Variants in OLFML2B observed in about 807,000 individuals in gnomAD.
OLFML2B encodes olfactomedin-like protein 2B.
Under a neutral mutation model 74.9 loss-of-function variants are expected in OLFML2B, and 57 were observed. The ratio of observed to expected loss-of-function variants is 0.76; its 90% CI spans 0.61 to 0.95. The LOEUF (loss-of-function observed/expected upper bound fraction) is 0.95. Ranked by LOEUF, OLFML2B falls within the 40% of genes least tolerant of loss-of-function variation. OLFML2B has a pLI of 0.00. For synonymous variants in OLFML2B, 388 were observed against 405.8 expected, an observed-to-expected ratio of 0.96 and a Z score of 0.53; for missense variants, 986 against 970.6, an observed-to-expected ratio of 1.02 and a Z score of -0.21.
At chr1:162,019,104 G>T (rs887609116) in intron 2 of OLFML2B, among the ~76,000 whole-genome samples, 3 of 152,166 alleles carry the variant, frequency 2.0e-5, no homozygotes, top group African/African-American at 7.2e-5. Flanking sequence ...ATGATTACTA[G>T]TCACTGAGTG....
In OLFML2B at chr1:161,996,221, T is replaced by C. The variant is rs147088881; in HGVS notation, c.1474+1604A>G. On this transcript the variant is annotated intron_variant, in intron 6 of 7. Transcript: ENST00000294794. Reference sequence around the variant, plus strand: ...ACAAGAATCTTTATTTACAATAGCATGGAACAGCAAATAAAAAACACCATA... The same window carrying C: ...ACAAGAATCTTTATTTACAATAGCACGGAACAGCAAATAAAAAACACCATA... Among the ~76,000 whole-genome samples the C allele has an allele frequency of 1.3e-3, 199 of 152,218 alleles. 4 individuals are homozygous for C. The East Asian group carries it at 0.03, about 23-fold the overall frequency.
chr1:161,985,941 T>G (rs1442477179), intron 6 of OLFML2B, among the ~76,000 whole-genome samples: 1 of 152,198 alleles, frequency 6.6e-6, no homozygotes, highest in Admixed American at 6.5e-5. Context: ...GGGTTCTAGA[T>G]GAAGTTGAGA....
intron 6 of OLFML2B, among the ~76,000 whole-genome samples, chr1:161,986,417 C>G (rs2101944566): frequency 6.6e-6 from 1 of 152,294 alleles, no homozygotes; most frequent in Non-Finnish European, 1.5e-5. Flanking sequence ...GGCCCTGGGT[C>G]TGGGGCAGCT....
rs71093139 is a variant in OLFML2B at position 162,005,902 on chromosome 1, CAAAAAAA to C, written c.723+388_723+394del. 7.7e-3 allele frequency among the ~76,000 whole-genome samples: 596 copies of C among 77,880 alleles called. 5 individuals are homozygous for C. Among genetic ancestry groups the C allele is most frequent in the East Asian group, 0.048 (83 of 1,734 alleles). 51.1% of individuals were successfully genotyped at this position (77,880 alleles called of 152,430 possible). A position where few individuals can be genotyped will look rare whatever the true frequency, so the allele number is the denominator to read the frequency against. ...CCTTGGTGGCAGAGCTGGAACCTATCAAAAAAAAAAAAAAAAAAAAAAAAAATCATGC... is the reference window on the plus strand; with the variant it reads ...CCTTGGTGGCAGAGCTGGAACCTATCAAAAAAAAAAAAAAAAAAATCATGC... On this transcript the variant is annotated intron_variant, in intron 4 of 7. Transcript: ENST00000294794.
rs1690048306 is a variant in OLFML2B, at chr1:162,000,284, C to T, written c.778G>A (p.Glu260Lys). ...ETVSQQINSI[E>K]LLQTRPLALP... ...GCCAGGGGTCGCGTCTGCAGAAGTT[C>T]GATGGAGTTGATCTGCTGGGACACG... Residue 260 changes from glutamate (E) to lysine (K), a missense_variant, in exon 5 of 8, where the codon GAA becomes AAA. Transcript: ENST00000294794. 35 of 1,613,380 alleles carry T rather than the reference C, an allele frequency of 2.2e-5. No individual in the cohort carries two copies. Among genetic ancestry groups the T allele is most frequent in the Non-Finnish European group, 2.9e-5 (34 of 1,180,010 alleles).
chr1:162,019,106 C>T (rs146252800), intron 2 of OLFML2B, among the ~76,000 whole-genome samples: 1 of 152,330 alleles, frequency 6.6e-6, no homozygotes, highest in East Asian at 1.9e-4. Context: ...GATTACTAGT[C>T]ACTGAGTGAG....
chr1:161,984,801 T>A lies in OLFML2B; in HGVS notation c.1651+3A>T. On this transcript the variant is annotated splice_donor_region_variant and intron_variant, in intron 7 of 7. Transcript: ENST00000294794. ...CAGTCTGGGTTGGATCTTTATCATGTACCTTGTTTGAAGTTCTCCAGGTTC... is the reference window on the plus strand; with the variant it reads ...CAGTCTGGGTTGGATCTTTATCATGAACCTTGTTTGAAGTTCTCCAGGTTC... The A allele has an allele frequency of 6.2e-7, 1 of 1,613,342 alleles. No individual in the cohort carries two copies. The highest frequency in any genetic ancestry group is 1.1e-5 in the South Asian group (1 of 90,980).
intron 6 of OLFML2B, among the ~76,000 whole-genome samples, chr1:161,992,154 C>T (rs1689758975): frequency 6.6e-6 from 1 of 152,262 alleles, no homozygotes; most frequent in Non-Finnish European, 1.5e-5. Context: ...TGCATTAGCA[C>T]TTGCTATTTC....
Position 161,998,752 on chromosome 1 carries a change from C to T in OLFML2B, c.950-403G>A, listed in dbSNP as rs2490443. On this transcript the variant is annotated intron_variant, in intron 5 of 7. Transcript: ENST00000294794. Reference sequence around the variant, plus strand: ...CAGAGCTTCTATATAGTGGTGGAGACGCTTGATAATAGACAGGATTGTGCA... The same window carrying T: ...CAGAGCTTCTATATAGTGGTGGAGATGCTTGATAATAGACAGGATTGTGCA... Among the ~76,000 whole-genome samples, 1,096 of 152,200 alleles carry T rather than the reference C, an allele frequency of 7.2e-3. 14 individuals carry two copies. Among genetic ancestry groups the T allele is most frequent in the African/African-American group, 0.023 (968 of 41,514 alleles).
chr1:162,021,684 G>A (rs1205110009), intron 1 of OLFML2B, among the ~76,000 whole-genome samples: 1 of 152,332 alleles, frequency 6.6e-6, no homozygotes, highest in Non-Finnish European at 1.5e-5. Flanking sequence ...AGAAGGTGGT[G>A]TAGTTAAGGG....
At chr1:161,985,561 G>A (rs1430884019) in intron 6 of OLFML2B, among the ~76,000 whole-genome samples, 1 of 152,236 alleles carries the variant, frequency 6.6e-6, no homozygotes, top group Non-Finnish European at 1.5e-5. Flanking sequence ...CATGAGAAGT[G>A]TGGCCAGAGG....
rs55837882 is a variant in OLFML2B at position 161,987,602 on chromosome 1, C to A, written c.1475-2622G>T. 4.6e-3 allele frequency among the ~76,000 whole-genome samples: 705 copies of A among 152,280 alleles called. 5 individuals are homozygous for A. Among genetic ancestry groups the A allele is most frequent in the African/African-American group, 0.016 (658 of 41,548 alleles). The stretch of plus-strand genomic sequence containing the variant: ...TGGAAAGAACCAGCCCTTCTGATAC[C>A]TTGATTTTAGCCCTGCAAGACTCAT... On this transcript the variant is annotated intron_variant, in intron 6 of 7. Transcript: ENST00000294794.
At chr1:162,022,145 G>C (rs1690719427) in intron 1 of OLFML2B, among the ~76,000 whole-genome samples, 1 of 151,790 alleles carries the variant, frequency 6.6e-6, no homozygotes, top group African/African-American at 2.4e-5. Flanking sequence ...GCCGGCTCTG[G>C]AGAGCACAAA....
Position 161,983,878 on chromosome 1 carries a change from A to G in OLFML2B, c.2050T>C (p.Tyr684His), listed in dbSNP as rs1689500665. The change falls in exon 8 of 8, where the codon TAT becomes CAT. Residue 684 changes from tyrosine to histidine, a missense_variant. Physicochemically the swap from Tyr to His is moderately conservative, Grantham distance 83. Transcript: ENST00000294794. Reference protein sequence around the residue: ...GNCFVICGVLYAVDSYNQRNA... With the variant: ...GNCFVICGVLHAVDSYNQRNA... ...CGCTGGTTGTAGCTATCCACGGCAT[A>G]CAGCACCCCACAGATGACGAAGCAG... 6.2e-7 allele frequency: 1 copy of G among 1,614,106 alleles called. No homozygotes were observed. Among genetic ancestry groups the G allele is most frequent in the African/African-American group, 1.3e-5 (1 of 74,924 alleles).
At chr1:161,988,259 G>A (rs1290197089) in intron 6 of OLFML2B, among the ~76,000 whole-genome samples, 1 of 152,178 alleles carries the variant, frequency 6.6e-6, no homozygotes, top group Non-Finnish European at 1.5e-5. Flanking sequence ...ACCAGGGTCT[G>A]AAAAGAAGGG....
In OLFML2B at chr1:162,019,925, G is replaced by C. The variant is rs747444818; in HGVS notation, c.432C>G (p.Asp144Glu). ...GCCCCATACCAGGTCCTACCTTCAA[G>C]TCCTGGCTGTCTGCCTCCCGCAGCT... The part of the protein sequence containing the change: ...LQKLREADSQ[D>E]LKLSTIIDML... Residue 144 changes from aspartate to glutamate, a missense_variant, in exon 2 of 8, where the codon GAC becomes GAG. Physicochemically the swap from Asp to Glu is conservative, Grantham distance 45. Transcript: ENST00000294794. The C allele has an allele frequency of 8.7e-6, 14 of 1,614,004 alleles. No homozygotes were observed. The highest frequency in any genetic ancestry group is 1.2e-5 in the Non-Finnish European group (14 of 1,180,014).
At chr1:162,021,121 A>C (rs1348812791) in intron 1 of OLFML2B, among the ~76,000 whole-genome samples, 2 of 152,192 alleles carry the variant, frequency 1.3e-5, no homozygotes, top group African/African-American at 4.8e-5. Context: ...AAGCCAGGGA[A>C]GACTTCTTCG....
At chr1:162,005,050 C>T (rs948390841) in intron 4 of OLFML2B, among the ~76,000 whole-genome samples, 4 of 152,260 alleles carry the variant, frequency 2.6e-5, no homozygotes, top group Admixed American at 1.3e-4. Flanking sequence ...TAATAGGACT[C>T]TTCAAGTCCT....
chr1:162,003,456 C>G (rs1405597274), intron 4 of OLFML2B, among the ~76,000 whole-genome samples: 2 of 152,202 alleles, frequency 1.3e-5, no homozygotes, highest in Non-Finnish European at 2.9e-5. Context: ...TTCTCCCAGC[C>G]AAGGAGATGG....
Sources: gnomAD v4.1 joint callset for allele counts (sites outside exome capture counted in the v4.1 genomes callset) on GRCh38, gnomAD v4.1.1 for gene constraint, MANE v1.5 for transcripts, NCBI Gene and HGNC (gene_info 2026-07-23, HGNC 2026-07-21) for gene names.